The following USP6NL variants were observed in gnomAD, a reference collection of about 807,000 sequenced individuals.
USP6NL encodes USP6 N-terminal like.
Under a neutral mutation model 61.9 loss-of-function variants are expected in USP6NL, and 26 were observed. The ratio of observed to expected loss-of-function variants is 0.42; its 90% CI spans 0.31 to 0.58. The LOEUF (loss-of-function observed/expected upper bound fraction) is 0.58. Among genes scored for constraint, USP6NL ranks in the 20% least tolerant of loss-of-function variants. USP6NL has a pLI of 0.16. For missense variants in USP6NL, 1,114 were observed against 1,034.3 expected, an observed-to-expected ratio of 1.08 and a Z score of -1.06; for synonymous variants, 432 against 390.1, an observed-to-expected ratio of 1.11 and a Z score of -1.27.
At chr10:11,560,030 A>T (rs545942630) in intron 2 of USP6NL, among the ~76,000 whole-genome samples, 14 of 152,294 alleles carry the variant, frequency 9.2e-5, no homozygotes, top group African/African-American at 3.4e-4. Context: ...TTTTTTAAAA[A>T]ATCTTCCCCT....
chr10:11,485,125 T>C lies in USP6NL; in HGVS notation c.825+44A>G, dbSNP rs1294838244. 1 of 1,536,730 alleles carries C rather than the reference T, an allele frequency of 6.5e-7. No homozygotes were observed. The highest frequency in any genetic ancestry group is 8.8e-7 in the Non-Finnish European group (1 of 1,141,124). ...TAGGGTTAACAGCTTCCCCTCACCT[T>C]GTATTTATAATTTTATGACTGAGTT... is the stretch of plus-strand genomic sequence containing the variant. On this transcript the variant is annotated intron_variant, in intron 12 of 14. Coordinates refer to ENST00000609104, the MANE Select transcript of USP6NL (RefSeq NM_014688.5). This position sits in a 1 kb window ranked among gnomAD's most constrained non-coding sequence, Gnocchi z 4.8.
In USP6NL at chr10:11,584,799, G is replaced by A. The variant is rs551489725; in HGVS notation, c.4+12832C>T. Reference sequence around the variant, plus strand: ...AGAAAAATACAAAAATTGGCCAGGCGTGGTGGAGCACACCTGTAGTCCCAG... The same window carrying A: ...AGAAAAATACAAAAATTGGCCAGGCATGGTGGAGCACACCTGTAGTCCCAG... On this transcript the variant is annotated intron_variant, in intron 2 of 14. Transcript: ENST00000609104. Among the ~76,000 whole-genome samples, 11 of 152,148 alleles carry A rather than the reference G, an allele frequency of 7.2e-5. No individual in the cohort carries two copies. In the East Asian group the frequency reaches 9.7e-4, roughly 13 times the overall value.
Position 11,482,012 on chromosome 10 carries a change from G to A in USP6NL, c.926-90C>T. The A allele has an allele frequency of 7.4e-7, 1 of 1,355,292 alleles. No homozygotes were observed. Among genetic ancestry groups the A allele is most frequent in the South Asian group, 1.7e-5 (1 of 58,982 alleles). 84.0% of individuals were successfully genotyped at this position (1,355,292 alleles called of 1,614,324 possible). Reference sequence around the variant, plus strand: ...ATTATATTCAGGTGTAGTGTAAAAGGGCATTAAAAAGGGCGCAAGCAGCAT... The same window carrying A: ...ATTATATTCAGGTGTAGTGTAAAAGAGCATTAAAAAGGGCGCAAGCAGCAT... On this transcript the variant is annotated intron_variant, in intron 13 of 14. Coordinates refer to ENST00000609104, the MANE Select transcript of USP6NL (RefSeq NM_014688.5). This position sits in a 1 kb window ranked among gnomAD's most constrained non-coding sequence, Gnocchi z 4.0.
chr10:11,611,448 T>G lies in USP6NL; in HGVS notation c.-89A>C, dbSNP rs1254849625. The stretch of plus-strand genomic sequence containing the variant: ...AGCTGAGGAATGGAAGTTACCTCAG[T>G]ACGGTCCCGACTGCTAGGCTGTGGG... On this transcript the variant is annotated 5_prime_UTR_variant, in exon 1 of 15. Coordinates refer to ENST00000609104, the MANE Select transcript of USP6NL (RefSeq NM_014688.5). The surrounding 1 kb of genome is among the most constrained non-coding windows in gnomAD (Gnocchi z 5.3). 3 of 152,806 alleles carry G rather than the reference T, an allele frequency of 2.0e-5. No individual in the cohort carries two copies. Among genetic ancestry groups the G allele is most frequent in the Non-Finnish European group, 4.4e-5 (3 of 68,080 alleles). 9.5% of individuals were successfully genotyped at this position (152,806 alleles called of 1,614,324 possible). A position where few individuals can be genotyped will look rare whatever the true frequency, so the allele number is the denominator to read the frequency against.
At position 11,478,920 on chromosome 10, in the gene USP6NL, TAACTGG is replaced by T. The variant is rs1833076770; in HGVS notation, c.1078+2844_1078+2849del. Among the ~76,000 whole-genome samples the T allele has an allele frequency of 6.6e-6, 1 of 151,716 alleles. No homozygotes were observed. The highest frequency in any genetic ancestry group is 2.1e-4 in the South Asian group (1 of 4,728). On this transcript the variant is annotated intron_variant, in intron 14 of 14. Transcript: ENST00000609104. The surrounding 1 kb of genome is among the most constrained non-coding windows in gnomAD (Gnocchi z 6.8). The stretch of plus-strand genomic sequence containing the variant: ...GACCCTGTCTCATGTTTAAAAAGTG[TAACTGG>T]AAAAGCAGAGAGCAATGGAACAGAA...
chr10:11,603,275 T>C (rs1838606238), intron 1 of USP6NL, among the ~76,000 whole-genome samples: 1 of 152,218 alleles, frequency 6.6e-6, no homozygotes, highest in Non-Finnish European at 1.5e-5. Context: ...CTGGTCAACA[T>C]GACAACTTCA....
rs908705244 is a variant in USP6NL at position 11,474,403 on chromosome 10, A to G, written c.1078+7367T>C. On this transcript the variant is annotated intron_variant, in intron 14 of 14. Transcript: ENST00000609104. This position sits in a 1 kb window ranked among gnomAD's most constrained non-coding sequence, Gnocchi z 4.9. ...TTAGATTTGTAAGTTTTTTAGAACT[A>G]GGACACATTTTATTTAAATTGAAAT... is the stretch of plus-strand genomic sequence containing the variant. Among the ~76,000 whole-genome samples the G allele has an allele frequency of 6.6e-6, 1 of 152,240 alleles. No homozygotes were observed. Among genetic ancestry groups the G allele is most frequent in the Non-Finnish European group, 1.5e-5 (1 of 68,040 alleles).
intron 2 of USP6NL, among the ~76,000 whole-genome samples, chr10:11,554,954 CAT>C (rs1836624090): frequency 3.6e-5 from 4 of 111,806 alleles, no homozygotes; most frequent in Non-Finnish European, 1.9e-5. Flanking sequence ...TGCCTGCCAC[CAT>C]GCCCGGCTAA....
At chr10:11,593,793 G>A (rs979599534) in intron 2 of USP6NL, among the ~76,000 whole-genome samples, 5 of 152,302 alleles carry the variant, frequency 3.3e-5, no homozygotes, top group African/African-American at 9.6e-5. Flanking sequence ...AGTGAGCCAC[G>A]CCTAGCTGCC....
Position 11,532,391 on chromosome 10 carries a change from G to GA in USP6NL, c.5-4825dup. On this transcript the variant is annotated intron_variant, in intron 2 of 14. Coordinates refer to ENST00000609104, the MANE Select transcript of USP6NL (RefSeq NM_014688.5). This position sits in a 1 kb window ranked among gnomAD's most constrained non-coding sequence, Gnocchi z 4.1. ...ACTATCTGTGAAACAAGCACAAGAA[G>GA]AAAAAGTTTGAGATGCACTCTGTCT... 1.8e-6 allele frequency: 1 copy of GA among 558,180 alleles called. No homozygotes were observed. The highest frequency in any genetic ancestry group is 3.0e-6 in the Non-Finnish European group (1 of 331,954). 34.6% of individuals were successfully genotyped at this position (558,180 alleles called of 1,614,324 possible).
intron 2 of USP6NL, among the ~76,000 whole-genome samples, chr10:11,590,127 A>C (rs1838113328): frequency 6.6e-6 from 1 of 152,208 alleles, no homozygotes; most frequent in Admixed American, 6.5e-5. Flanking sequence ...TAGGAGTGGG[A>C]GACTGGGATA....
Position 11,532,321 on chromosome 10 carries a change from T to C in USP6NL, c.5-4754A>G. The C allele has an allele frequency of 9.3e-7, 1 of 1,074,978 alleles. No homozygotes were observed. The highest frequency in any genetic ancestry group is 1.3e-6 in the Non-Finnish European group (1 of 758,188). 66.6% of individuals were successfully genotyped at this position (1,074,978 alleles called of 1,614,324 possible). On this transcript the variant is annotated intron_variant, in intron 2 of 14. Transcript: ENST00000609104. This position sits in a 1 kb window ranked among gnomAD's most constrained non-coding sequence, Gnocchi z 4.1. ...CTGCCCGGCGGTACCTCACACATTC[T>C]GCAACTAACTAAAACAAAGAAAGGC...
chr10:11,543,358 G>A (rs1029029676), intron 2 of USP6NL, among the ~76,000 whole-genome samples: 2 of 152,026 alleles, frequency 1.3e-5, no homozygotes, highest in Non-Finnish European at 2.9e-5. Context: ...TGGCTAACAC[G>A]GTGAAACCCC....
At chr10:11,471,734 C>T (rs1309429726) in intron 14 of USP6NL, among the ~76,000 whole-genome samples, 1 of 149,658 alleles carries the variant, frequency 6.7e-6, no homozygotes, top group African/African-American at 2.5e-5. Flanking sequence ...GGACAAAATA[C>T]CAAATACTGC....
intron 3 of USP6NL, 31 bp downstream of exon 3, chr10:11,527,469 C>A: frequency 1.3e-6 from 2 of 1,563,678 alleles, no homozygotes; most frequent in Non-Finnish European, 1.7e-6. Context: ...TCTAATAAAA[C>A]TCACCCAAAG....
At chr10:11,557,438 G>A (rs943665520) in intron 2 of USP6NL, among the ~76,000 whole-genome samples, 1 of 152,308 alleles carries the variant, frequency 6.6e-6, no homozygotes, top group Admixed American at 6.5e-5. Flanking sequence ...CAGGATCTGT[G>A]TATTTTTCCA....
rs1422031257 is a variant in USP6NL at position 11,496,002 on chromosome 10, C to A, written c.385-2774G>T. On this transcript the variant is annotated intron_variant, in intron 7 of 14. Coordinates refer to ENST00000609104, the MANE Select transcript of USP6NL (RefSeq NM_014688.5). This position sits in a 1 kb window ranked among gnomAD's most constrained non-coding sequence, Gnocchi z 5.4. ...TATGCTGATCACATCCCCCACAGAA[C>A]GCTCTTCCAATCTCCTGTCAGGAAG... 6.6e-6 allele frequency among the ~76,000 whole-genome samples: 1 copy of A among 152,232 alleles called. No individual in the cohort carries two copies.
intron 6 of USP6NL, among the ~76,000 whole-genome samples, chr10:11,505,220 T>C (rs1380383998): frequency 6.6e-6 from 1 of 151,904 alleles, no homozygotes; most frequent in African/African-American, 2.4e-5. Context: ...AAGGGAAAAG[T>C]GGGGGTGGGA....
chr10:11,568,379 C>T (rs985566208), intron 2 of USP6NL, among the ~76,000 whole-genome samples: 1 of 152,042 alleles, frequency 6.6e-6, no homozygotes, highest in African/African-American at 2.4e-5. Context: ...CGCTGACTTA[C>T]CTAAAGTCAT....
Sources: gnomAD v4.1 joint callset for allele counts (sites outside exome capture counted in the v4.1 genomes callset) on GRCh38, gnomAD v4.1.1 for gene constraint, Gnocchi (gnomAD v3.1) non-coding constraint, MANE v1.5 for transcripts, NCBI Gene and HGNC (gene_info 2026-07-23, HGNC 2026-07-21) for gene names.